The following NMT2 variants were observed in gnomAD, a reference collection of about 807,000 sequenced individuals.
The protein encoded by NMT2 is N-myristoyltransferase 2.
NMT2 carries 35 observed loss-of-function variants against 65.4 expected under a neutral mutation model. The ratio of observed to expected loss-of-function variants is 0.54; its 90% CI spans 0.41 to 0.71. The LOEUF is 0.71. NMT2 is among the 30% of genes least tolerant of loss of function. The probability of loss-of-function intolerance (pLI) is 0.00; values close to 1 mark genes in which losing one functional copy is unlikely to be tolerated. For synonymous variants in NMT2, 226 were observed against 231.8 expected (o/e 0.98, Z 0.23); for missense variants, 489 against 611.3 (o/e 0.80, Z 2.11).
intron 8 of NMT2, among the ~76,000 whole-genome samples, chr10:15,124,958 A>G (rs1846031525): frequency 6.6e-6 from 1 of 152,234 alleles, no homozygotes; most frequent in Non-Finnish European, 1.5e-5. Flanking sequence ...TGCTGTACTC[A>G]CAGTGAGACA....
At chr10:15,131,826 T>C (rs1846296013) in intron 6 of NMT2, among the ~76,000 whole-genome samples, 1 of 152,180 alleles carries the variant, frequency 6.6e-6, no homozygotes, top group Admixed American at 6.5e-5. Context: ...GTGCAATGTA[T>C]CCTATGGAGA....
chr10:15,157,957 G>A (rs1833056507), intron 1 of NMT2, among the ~76,000 whole-genome samples: 1 of 152,118 alleles, frequency 6.6e-6, no homozygotes, highest in Admixed American at 6.6e-5. Context: ...GTTATGGCCT[G>A]GATAACTTAT....
intron 1 of NMT2, among the ~76,000 whole-genome samples, chr10:15,159,825 G>A (rs1461475364): frequency 1.3e-5 from 2 of 152,206 alleles, no homozygotes; most frequent in Admixed American, 1.3e-4. Context: ...TGTGGACAAG[G>A]AACTCACCTC....
intron 1 of NMT2, among the ~76,000 whole-genome samples, chr10:15,155,491 C>T (rs1832964810): frequency 6.6e-6 from 1 of 150,556 alleles, no homozygotes; most frequent in Admixed American, 6.6e-5. Flanking sequence ...GCCTCAGCCT[C>T]CTGAGTAGCT....
intron 6 of NMT2, among the ~76,000 whole-genome samples, chr10:15,131,257 A>G (rs11813248): frequency 0.11 from 16,659 of 151,710 alleles, 2,403 homozygotes; most frequent in African/African-American, 0.33. Context: ...ACTTTGGTCC[A>G]TTATACGTTT....
At chr10:15,165,875 C>CA (rs34031754) in intron 1 of NMT2, among the ~76,000 whole-genome samples, 7,960 of 94,732 alleles carry the variant, frequency 0.084, 292 homozygotes, top group African/African-American at 0.099. Context: ...AAGACTGTCT[C>CA]AAAAAAAAAA....
At position 15,135,272 on chromosome 10, in the gene NMT2, A is replaced by G. The variant is rs1431977984; in HGVS notation, c.391+2T>C. 1 of 1,613,766 alleles carries G rather than the reference A, an allele frequency of 6.2e-7. No individual in the cohort carries two copies. The highest frequency in any genetic ancestry group is 2.2e-5 in the East Asian group (1 of 44,880). On this transcript the variant is annotated splice_donor_variant, in intron 3 of 11. Coordinates refer to ENST00000378165, the MANE Select transcript of NMT2 (RefSeq NM_004808.3). LOFTEE classifies it high-confidence loss of function. Reference sequence around the variant, plus strand: ...AAAAAAGAGAAAAGCAGAAAAACTTACCTAGTTTTGGTACCGGTTGTGTGT... The same window carrying G: ...AAAAAAGAGAAAAGCAGAAAAACTTGCCTAGTTTTGGTACCGGTTGTGTGT...
chr10:15,130,703 C>CAAAAAAAAAAAA (rs974360507), intron 6 of NMT2, among the ~76,000 whole-genome samples: 1 of 28,630 alleles, frequency 3.5e-5, no homozygotes, highest in Admixed American at 4.3e-4. Flanking sequence ...GGCCCTGTCT[C>CAAAAAAAAAAAA]AAAAAAAAAA....
intron 1 of NMT2, among the ~76,000 whole-genome samples, chr10:15,145,807 G>C (rs1040514024): frequency 3.3e-5 from 5 of 152,206 alleles, no homozygotes; most frequent in African/African-American, 1.2e-4. Context: ...AGCAGATCAG[G>C]AGTCAGCTGT....
intron 1 of NMT2, among the ~76,000 whole-genome samples, chr10:15,151,059 CT>C (rs200879621): frequency 2.8e-3 from 393 of 139,720 alleles, no homozygotes; most frequent in Middle Eastern, 3.7e-3. Context: ...TAGCTTCCTC[CT>C]TTTTTTTTTT....
chr10:15,116,345 G>A (rs1349106766), intron 9 of NMT2, among the ~76,000 whole-genome samples: 2 of 152,138 alleles, frequency 1.3e-5, no homozygotes, highest in Non-Finnish European at 2.9e-5. Context: ...TAAAGAGGAA[G>A]CCTCAAACGA....
rs1164575299 is a variant in NMT2 at position 15,108,008 on chromosome 10, A to G, written c.*1187T>C. 1 of 985,824 alleles carries G rather than the reference A, an allele frequency of 1.0e-6. No homozygotes were observed. Among genetic ancestry groups the G allele is most frequent in the Non-Finnish European group, 1.2e-6 (1 of 829,922 alleles). 61.1% of individuals were successfully genotyped at this position (985,824 alleles called of 1,614,324 possible). On this transcript the variant is annotated 3_prime_UTR_variant, in exon 12 of 12. Transcript: ENST00000378165. ...TAGAGGAGTATGTGCAATTTTGCAT[A>G]AGTAATAAAAACATTCAAACTATCA...
intron 6 of NMT2, among the ~76,000 whole-genome samples, chr10:15,132,374 C>G (rs949426758): frequency 2.6e-5 from 4 of 152,140 alleles, no homozygotes; most frequent in African/African-American, 9.7e-5. Flanking sequence ...TCTGCCTCCA[C>G]ACATACACAA....
chr10:15,114,585 GAA>G (rs1253640236), intron 9 of NMT2, among the ~76,000 whole-genome samples: 1 of 152,192 alleles, frequency 6.6e-6, no homozygotes, highest in Admixed American at 6.5e-5. Context: ...CTGTTCCAGA[GAA>G]AAGAGAGGAC....
At position 15,119,959 on chromosome 10, in the gene NMT2, C is replaced by G. The variant is rs190163193; in HGVS notation, c.1000-446G>C. On this transcript the variant is annotated intron_variant, in intron 8 of 11. Coordinates refer to ENST00000378165, the MANE Select transcript of NMT2 (RefSeq NM_004808.3). ...AGCATGACTTCTGGAGTACAGGCAG[C>G]CCTCCGTATCCACTGGTTGTGCATC... Among the ~76,000 whole-genome samples, 305 of 152,284 alleles carry G rather than the reference C, an allele frequency of 2.0e-3. 1 individual carries two copies. The highest frequency in any genetic ancestry group is 7.2e-3 in the African/African-American group (298 of 41,548).
chr10:15,152,582 A>G (rs901828334), intron 1 of NMT2, among the ~76,000 whole-genome samples: 1 of 152,252 alleles, frequency 6.6e-6, no homozygotes, highest in Admixed American at 6.5e-5. Flanking sequence ...TCTCAGAGCT[A>G]TTCCCTCTCA....
At chr10:15,149,453 ATCACCATCATCATCAC>A (rs1564584909) in intron 1 of NMT2, among the ~76,000 whole-genome samples, 1 of 100,164 alleles carries the variant, frequency 1.0e-5, no homozygotes, top group Non-Finnish European at 2.1e-5. Context: ...CACCGCCATC[ATCACCATCATCATCAC>A]CATCATCACC....
chr10:15,156,177 T>G (rs1270762695), intron 1 of NMT2, among the ~76,000 whole-genome samples: 1 of 152,104 alleles, frequency 6.6e-6, no homozygotes, highest in Non-Finnish European at 1.5e-5. Context: ...AATCCCCATG[T>G]GTTATGGGAG....
chr10:15,166,107 C>T (rs756838449), intron 1 of NMT2, among the ~76,000 whole-genome samples: 23 of 152,252 alleles, frequency 1.5e-4, no homozygotes, highest in Non-Finnish European at 2.6e-4. Context: ...TAAATACTTA[C>T]ATTTTGGTGC....
Sources: gnomAD v4.1 joint callset for allele counts (sites outside exome capture counted in the v4.1 genomes callset) on GRCh38, gnomAD v4.1.1 for gene constraint, MANE v1.5 for transcripts, NCBI Gene and HGNC (gene_info 2026-07-23, HGNC 2026-07-21) for gene names.